The following CALCOCO2 variants were observed in gnomAD, a reference collection of about 807,000 sequenced individuals.
CALCOCO2 encodes the protein calcium-binding and coiled-coil domain-containing protein 2.
Under a neutral mutation model 62.5 loss-of-function variants are expected in CALCOCO2, and 42 were observed. The observed-to-expected ratio is 0.67, with a 90% CI of 0.53 to 0.87. The LOEUF is 0.87. Ranked by LOEUF, CALCOCO2 falls within the 40% of genes least tolerant of loss-of-function variation. The pLI, the probability that CALCOCO2 is intolerant of heterozygous loss-of-function variation, is 0.00. For synonymous variants in CALCOCO2, 167 were observed against 173.0 expected, an observed-to-expected ratio of 0.97 and a Z score of 0.27; for missense variants, 456 against 515.0, an observed-to-expected ratio of 0.89 and a Z score of 1.11.
chr17:48,864,053 G>A lies in CALCOCO2; in HGVS notation c.*1048G>A, dbSNP rs1051409559. 2 of 129,222 alleles carry A rather than the reference G, an allele frequency of 1.5e-5. No homozygotes were observed. The highest frequency in any genetic ancestry group is 4.4e-4 in the East Asian group (2 of 4,572). 8.0% of individuals were successfully genotyped at this position (129,222 alleles called of 1,614,324 possible). On this transcript the variant is annotated 3_prime_UTR_variant, in exon 13 of 13. Coordinates refer to ENST00000258947, the MANE Select transcript of CALCOCO2 (RefSeq NM_005831.5). The stretch of plus-strand genomic sequence containing the variant: ...TTAGTTTGTGAAATCCAAGGCCCTG[G>A]CTTGCTTTCTTTCTTTTTTTTTTTT...
intron 1 of CALCOCO2, among the ~76,000 whole-genome samples, chr17:48,832,366 C>G (rs1025918276): frequency 1.3e-4 from 20 of 152,314 alleles, no homozygotes; most frequent in African/African-American, 3.6e-4. Flanking sequence ...TGCACTCCAG[C>G]CTGGGCAACA....
intron 1 of CALCOCO2, among the ~76,000 whole-genome samples, chr17:48,834,250 A>G (rs1039165278): frequency 1.3e-5 from 2 of 151,906 alleles, no homozygotes; most frequent in Non-Finnish European, 2.9e-5. Context: ...TCATTAGATG[A>G]AGATGTGTCA....
chr17:48,857,497 C>CTTTTATTTTTTTTTTTTTTTTT (rs2040235695), intron 10 of CALCOCO2, among the ~76,000 whole-genome samples: 1 of 38,428 alleles, frequency 2.6e-5, no homozygotes, highest in Non-Finnish European at 4.8e-5. Flanking sequence ...GCACCCGGCC[C>CTTTTATTTTTTTTTTTTTTTTT]TTTTTTTTTT....
At chr17:48,833,801 A>G (rs908842221) in intron 1 of CALCOCO2, among the ~76,000 whole-genome samples, 1 of 152,060 alleles carries the variant, frequency 6.6e-6, no homozygotes, top group African/African-American at 2.4e-5. Flanking sequence ...TCTGCTAAAA[A>G]ACCTATCAGT....
At chr17:48,857,200 T>C (rs2040229295) in intron 10 of CALCOCO2, among the ~76,000 whole-genome samples, 1 of 26,894 alleles carries the variant, frequency 3.7e-5, no homozygotes, top group Non-Finnish European at 6.1e-5. Flanking sequence ...TCTTTACCCT[T>C]TTTTTTTTTT....
intron 2 of CALCOCO2, 47 bp from the exon 3 acceptor site, chr17:48,848,016 TC>T: frequency 9.6e-7 from 1 of 1,040,210 alleles, no homozygotes; most frequent in Non-Finnish European, 1.5e-6. Context: ...ATTAGGATTT[TC>T]CCCAGTCCCC....
Position 48,857,141 on chromosome 17 carries a change from C to G in CALCOCO2, c.1008+954C>G, listed in dbSNP as rs2040227887. Among the ~76,000 whole-genome samples the G allele has an allele frequency of 4.6e-5, 7 of 151,298 alleles. No individual in the cohort carries two copies. In the South Asian group the frequency reaches 1.5e-3, roughly 32 times the overall value. On this transcript the variant is annotated intron_variant, in intron 10 of 12. Coordinates refer to ENST00000258947, the MANE Select transcript of CALCOCO2 (RefSeq NM_005831.5). ...TGCTCAGCATCAAATAATAGGTGTC[C>G]ATGCATTCTGGCTGCTACTCCTGTA...
intron 1 of CALCOCO2, among the ~76,000 whole-genome samples, chr17:48,839,993 T>C (rs1041585470): frequency 1.3e-4 from 19 of 151,768 alleles, no homozygotes; most frequent in African/African-American, 4.6e-4. Flanking sequence ...TTGTTTGTTT[T>C]AATAGAGACA....
chr17:48,852,922 G>A lies in CALCOCO2; in HGVS notation c.826-4G>A, dbSNP rs1429342970. 3.1e-6 allele frequency: 5 copies of A among 1,608,798 alleles called. No individual in the cohort carries two copies. In the Admixed American group the frequency reaches 5.0e-5, roughly 16 times the overall value. ...CAATGGTACTGAAATCTCTTTTTGT[G>A]CAGAGGAAGGACCAGAAGAAGCTCG... On this transcript the variant is annotated splice_region_variant and splice_polypyrimidine_tract_variant and intron_variant, in intron 8 of 12. Coordinates refer to ENST00000258947, the MANE Select transcript of CALCOCO2 (RefSeq NM_005831.5).
In CALCOCO2 at chr17:48,845,257, G is replaced by T. The variant is rs115953014; in HGVS notation, c.181-2807G>T. Among the ~76,000 whole-genome samples, 333 of 152,104 alleles carry T rather than the reference G, an allele frequency of 2.2e-3. 1 individual carries two copies. Among genetic ancestry groups the T allele is most frequent in the African/African-American group, 7.5e-3 (312 of 41,480 alleles). On this transcript the variant is annotated intron_variant, in intron 2 of 12. Transcript: ENST00000258947. ...TGAAGAAGGGCTTCTAATGTCCCTT[G>T]TCCATAAAGCTATTGACTTGAATAC...
intron 1 of CALCOCO2, among the ~76,000 whole-genome samples, chr17:48,834,417 G>T (rs1302033907): frequency 6.6e-6 from 1 of 152,160 alleles, no homozygotes; most frequent in Non-Finnish European, 1.5e-5. Context: ...CTGACAGTTT[G>T]TGGAATTTGT....
chr17:48,851,460 C>G, intron 6 of CALCOCO2, 99 bp from the exon 7 acceptor site: 1 of 756,152 alleles, frequency 1.3e-6, no homozygotes, highest in Non-Finnish European at 2.4e-6. Flanking sequence ...TTAAATAATT[C>G]TGCAGGCTTA....
At chr17:48,839,670 C>CTTTT (rs766846336) in intron 1 of CALCOCO2, among the ~76,000 whole-genome samples, 1,437 of 66,166 alleles carry the variant, frequency 0.022, 180 homozygotes, top group African/African-American at 0.026. Context: ...CTTTGCTTTG[C>CTTTT]TTTTTTTTTT....
At chr17:48,842,960 G>A (rs2039995962) in intron 2 of CALCOCO2, among the ~76,000 whole-genome samples, 1 of 152,134 alleles carries the variant, frequency 6.6e-6, no homozygotes, top group African/African-American at 2.4e-5. Flanking sequence ...GACTGAGATG[G>A]CTGACCTCAT....
intron 1 of CALCOCO2, among the ~76,000 whole-genome samples, chr17:48,833,741 C>T (rs2039850010): frequency 6.6e-6 from 1 of 151,970 alleles, no homozygotes; most frequent in East Asian, 1.9e-4. Context: ...AATATATGCC[C>T]ACTGGTATAA....
At chr17:48,847,589 A>T (rs1380901958) in intron 2 of CALCOCO2, 2 of 152,570 alleles carry the variant, frequency 1.3e-5, no homozygotes, top group Admixed American at 1.3e-4. Context: ...AAAATAAAAT[A>T]AAAAATTAAA....
chr17:48,860,030 G>A (rs553090174), intron 10 of CALCOCO2, among the ~76,000 whole-genome samples: 1 of 152,186 alleles, frequency 6.6e-6, no homozygotes, highest in Non-Finnish European at 1.5e-5. Flanking sequence ...GGAGACGGAG[G>A]TTGCAGTGAG....
intron 1 of CALCOCO2, among the ~76,000 whole-genome samples, chr17:48,833,445 G>A (rs1168761911): frequency 6.6e-6 from 1 of 151,496 alleles, no homozygotes; most frequent in Non-Finnish European, 1.5e-5. Context: ...GTCTTGGGAG[G>A]CTGAGGCAGG....
At position 48,852,265 on chromosome 17, in the gene CALCOCO2, C is replaced by T. The variant is rs16944248; in HGVS notation, c.703-241C>T. 69 of 389,658 alleles carry T rather than the reference C, an allele frequency of 1.8e-4. No individual in the cohort carries two copies. The Middle Eastern group carries it at 2.2e-3, about 12-fold the overall frequency. 24.1% of individuals were successfully genotyped at this position (389,658 alleles called of 1,614,324 possible). Reference sequence around the variant, plus strand: ...TCTATATCAATAATCAAACTTTAATCTTTTCAAGCAAAATCGTACTCAAAA... The same window carrying T: ...TCTATATCAATAATCAAACTTTAATTTTTTCAAGCAAAATCGTACTCAAAA... On this transcript the variant is annotated intron_variant, in intron 7 of 12. Coordinates refer to ENST00000258947, the MANE Select transcript of CALCOCO2 (RefSeq NM_005831.5).
Sources: allele counts gnomAD v4.1 joint callset (sites outside exome capture counted in the v4.1 genomes callset), GRCh38; gene constraint gnomAD v4.1.1; transcripts MANE v1.5; gene names NCBI Gene and HGNC (gene_info 2026-07-23, HGNC 2026-07-21).